OLAH: variants seen among roughly 807,000 people sequenced by gnomAD.
The protein encoded by OLAH is S-acyl fatty acid synthase thioesterase, medium chain.
OLAH carries 33 observed loss-of-function variants against 27.8 expected under a neutral mutation model. The ratio of observed to expected loss-of-function variants is 1.19; its 90% CI spans 0.90 to 1.59. The LOEUF (loss-of-function observed/expected upper bound fraction) is 1.59. Among genes scored for constraint, OLAH ranks in the 40% most tolerant of loss-of-function variants. The probability of loss-of-function intolerance (pLI) is 0.00; values close to 1 mark genes in which losing one functional copy is unlikely to be tolerated. For missense variants in OLAH, 359 were observed against 310.8 expected (o/e 1.16, Z -1.17); for synonymous variants, 120 against 102.9 (o/e 1.17, Z -1.01).
chr10:15,039,672 C>CT (rs1843892271), upstream of OLAH, among the ~76,000 whole-genome samples: 1 of 152,150 alleles, frequency 6.6e-6, no homozygotes, highest in African/African-American at 2.4e-5. Context: ...TGTAAGCATA[C>CT]GGACAGCTGC....
At chr10:15,059,779 C>G (rs1844326556) in intron 3 of OLAH, among the ~76,000 whole-genome samples, 3 of 152,214 alleles carry the variant, frequency 2.0e-5, no homozygotes, top group Middle Eastern at 3.4e-3. Flanking sequence ...ACAATCCAGC[C>G]TGAGAAAGAG....
At chr10:15,061,656 C>G in intron 3 of OLAH, 68 bp from the exon 4 acceptor site, 1 of 1,382,150 alleles carries the variant, frequency 7.2e-7, no homozygotes, top group Non-Finnish European at 9.6e-7. Flanking sequence ...TAAATATGAG[C>G]CCTTTTATAA....
intron 4 of OLAH, among the ~76,000 whole-genome samples, chr10:15,063,429 C>A (rs1290390989): frequency 2.6e-5 from 4 of 152,326 alleles, no homozygotes; most frequent in East Asian, 3.9e-4. Context: ...CTGCATCCAG[C>A]CTGTAGAAGT....
At position 15,049,100 on chromosome 10, in the gene OLAH, C is replaced by CTT. The variant is rs752500462; in HGVS notation, c.33-516_33-515dup. On this transcript the variant is annotated intron_variant, in intron 2 of 7. Transcript: ENST00000378228. The stretch of plus-strand genomic sequence containing the variant: ...CCTGGGCAACAAAGTGAGACTATGT[C>CTT]TTTTTTTTTTTTTTTTTTTTGGAGA... Among the ~76,000 whole-genome samples the CTT allele has an allele frequency of 3.4e-3, 187 of 55,306 alleles. 5 individuals carry two copies. The highest frequency in any genetic ancestry group is 4.5e-3 in the Non-Finnish European group (130 of 28,996). The allele number at this position is 55,306 out of a possible 152,430, so 36.3% of individuals were successfully genotyped here.
upstream of OLAH, among the ~76,000 whole-genome samples, chr10:15,043,496 A>T (rs1396033343): frequency 3.1e-5 from 4 of 129,408 alleles, no homozygotes; most frequent in Non-Finnish European, 6.5e-5. Context: ...TTTTTTTTTC[A>T]GACAGAGTTT....
At chr10:15,037,172 C>T (rs928302284) in intron 1 of OLAH, among the ~76,000 whole-genome samples, 4 of 151,190 alleles carry the variant, frequency 2.6e-5, no homozygotes, top group Admixed American at 6.6e-5. Flanking sequence ...AAAAAAGGTG[C>T]GTATTGTAAA....
intron 2 of OLAH, 100 bp downstream of exon 2, chr10:15,047,420 G>A: frequency 8.4e-7 from 1 of 1,192,778 alleles, no homozygotes; most frequent in South Asian, 1.3e-5. Flanking sequence ...AGGTTTCTCA[G>A]CCAGGTGCTC....
At chr10:15,072,703 G>C (rs142754691) in intron 7 of OLAH, among the ~76,000 whole-genome samples, 1 of 151,842 alleles carries the variant, frequency 6.6e-6, no homozygotes, top group African/African-American at 2.4e-5. Context: ...TCTTGGGGCA[G>C]ACATCTTTCT....
upstream of OLAH, among the ~76,000 whole-genome samples, chr10:15,041,273 TA>T (rs1310525703): frequency 2.9e-5 from 4 of 136,774 alleles, no homozygotes; most frequent in African/African-American, 1.1e-4. Flanking sequence ...TTTTTATTTT[TA>T]TTTTTATTTT....
upstream of OLAH, among the ~76,000 whole-genome samples, chr10:15,041,505 T>C (rs1022445177): frequency 6.6e-6 from 1 of 151,988 alleles, no homozygotes; most frequent in Admixed American, 6.6e-5. Context: ...CTCAAACTCC[T>C]GACCTCAGGT....
intron 6 of OLAH, 60 bp from the exon 7 acceptor site, chr10:15,071,735 G>C (rs1008194048): frequency 1.3e-6 from 2 of 1,510,208 alleles, no homozygotes; most frequent in East Asian, 2.3e-5. Flanking sequence ...ATTAGGAACA[G>C]GAAAAGATTC....
chr10:15,064,629 G>T, intron 5 of OLAH, 127 bp downstream of exon 5: 2 of 582,590 alleles, frequency 3.4e-6, no homozygotes, highest in Admixed American at 3.9e-5. Context: ...GATACTAATA[G>T]GTTGGTGCAA....
At chr10:15,072,716 C>T (rs952391051) in intron 7 of OLAH, among the ~76,000 whole-genome samples, 8 of 149,508 alleles carry the variant, frequency 5.4e-5, no homozygotes, top group Non-Finnish European at 7.4e-5. Context: ...ATCTTTCTGG[C>T]GGCCGGAAGC....
chr10:15,053,753 T>G (rs1442918553), intron 3 of OLAH, among the ~76,000 whole-genome samples: 1 of 152,036 alleles, frequency 6.6e-6, no homozygotes, highest in Non-Finnish European at 1.5e-5. Context: ...CTTGCTCTGT[T>G]GCCCAGGCTG....
intron 1 of OLAH, among the ~76,000 whole-genome samples, chr10:15,046,780 T>C (rs1844026694): frequency 6.6e-6 from 1 of 152,222 alleles, no homozygotes; most frequent in African/African-American, 2.4e-5. Context: ...CTTAGAAAGC[T>C]AAGACATCTC....
intron 3 of OLAH, among the ~76,000 whole-genome samples, chr10:15,060,331 A>T (rs774065731): frequency 1.1e-4 from 16 of 151,986 alleles, no homozygotes; most frequent in Non-Finnish European, 2.2e-4. Flanking sequence ...CACCACGCCC[A>T]GCCAATTTTT....
intron 1 of OLAH, among the ~76,000 whole-genome samples, chr10:15,046,596 T>C (rs1451173810): frequency 6.6e-6 from 1 of 152,014 alleles, no homozygotes; most frequent in East Asian, 1.9e-4. Flanking sequence ...GCCTCCCAAC[T>C]AGCTGGGATT....
chr10:15,063,346 G>C (rs1038371850), intron 4 of OLAH, among the ~76,000 whole-genome samples: 1 of 152,084 alleles, frequency 6.6e-6, no homozygotes, highest in African/African-American at 2.4e-5. Flanking sequence ...GCCCAGGCTG[G>C]TCTCCAACTC....
At chr10:15,036,866 G>A (rs528417313) in intron 1 of OLAH, among the ~76,000 whole-genome samples, 1 of 152,092 alleles carries the variant, frequency 6.6e-6, no homozygotes, top group Non-Finnish European at 1.5e-5. Context: ...AGATCACGAG[G>A]TCAAGAGTTT....
Sources: allele counts gnomAD v4.1 joint callset (sites outside exome capture counted in the v4.1 genomes callset), GRCh38; gene constraint gnomAD v4.1.1; transcripts MANE v1.5; gene names NCBI Gene and HGNC (gene_info 2026-07-23, HGNC 2026-07-21).